PUDP: variants seen among roughly 807,000 people sequenced by gnomAD.
PUDP encodes the protein pseudouridine 5'-phosphatase, also known as pseudouridine-5'-phosphatase.
In PUDP, 8 loss-of-function variants were observed where a neutral mutation model predicts 9.4. The observed-to-expected ratio is 0.85, with a 90% CI of 0.50 to 1.53. PUDP has a LOEUF of 1.53. Among genes scored for constraint, PUDP ranks in the 40% most tolerant of loss-of-function variants. The probability of loss-of-function intolerance (pLI) is 0.00; values close to 1 mark genes in which losing one functional copy is unlikely to be tolerated. For synonymous variants in PUDP, 99 were observed against 80.7 expected, an observed-to-expected ratio of 1.23 and a Z score of -1.22; for missense variants, 188 against 189.7, an observed-to-expected ratio of 0.99 and a Z score of 0.05.
chrX:6,959,593 C>T (rs975403112), intron 3 of PUDP, among the ~76,000 whole-genome samples: 2 of 112,597 alleles, frequency 1.8e-5, no homozygotes, highest in Admixed American at 9.3e-5. Flanking sequence ...CTGCTGCAGA[C>T]AGTCTCCACC....
chrX:7,113,598 A>T (rs552845696), intron 1 of PUDP, among the ~76,000 whole-genome samples: 1 of 112,766 alleles, frequency 8.9e-6, no homozygotes, highest in Non-Finnish European at 1.9e-5. Flanking sequence ...CTTTAATTAA[A>T]AAACCCAACA....
At chrX:6,831,574 T>C (rs764349671) in intron 3 of PUDP, among the ~76,000 whole-genome samples, 3 of 112,112 alleles carry the variant, frequency 2.7e-5, no homozygotes, top group Admixed American at 9.5e-5. Flanking sequence ...AGTTTCAGTA[T>C]TCTATTTGGA....
intron 3 of PUDP, among the ~76,000 whole-genome samples, chrX:6,810,318 C>A (rs1926122264): frequency 9.0e-6 from 1 of 111,545 alleles, no homozygotes; most frequent in African/African-American, 3.3e-5. Context: ...AGCACGAGAT[C>A]TCCGCACATG....
intron 3 of PUDP, among the ~76,000 whole-genome samples, chrX:6,797,106 GGCT>G (rs1332344693): frequency 8.9e-6 from 1 of 112,115 alleles, no homozygotes; most frequent in Non-Finnish European, 1.9e-5. Flanking sequence ...TAAATTAAGA[GGCT>G]GCTGTTAGGG....
intron 3 of PUDP, among the ~76,000 whole-genome samples, chrX:6,960,699 C>T (rs1326180481): frequency 8.9e-6 from 1 of 112,154 alleles, no homozygotes; most frequent in African/African-American, 3.2e-5. Context: ...GAATTGATTA[C>T]ACAGGTGTTG....
intron 3 of PUDP, among the ~76,000 whole-genome samples, chrX:6,753,883 T>C (rs997614305): frequency 1.8e-5 from 2 of 112,122 alleles, no homozygotes; most frequent in African/African-American, 6.5e-5. Context: ...TAATCCTTTG[T>C]CAGATGTATA....
chrX:6,956,315 C>A (rs771246118), intron 3 of PUDP, among the ~76,000 whole-genome samples: 2 of 111,181 alleles, frequency 1.8e-5, no homozygotes, highest in South Asian at 7.6e-4. Context: ...TGAGCCACCA[C>A]GCCCGGCCAC....
intron 2 of PUDP, among the ~76,000 whole-genome samples, chrX:7,103,878 C>CA (rs1220930508): frequency 1.8e-5 from 2 of 111,776 alleles, no homozygotes; most frequent in Non-Finnish European, 3.8e-5. Flanking sequence ...TGACTACTAT[C>CA]AAAAAAATCC....
intron 3 of PUDP, among the ~76,000 whole-genome samples, chrX:6,765,121 T>A (rs1925269079): frequency 2.8e-5 from 3 of 105,675 alleles, no homozygotes; most frequent in African/African-American, 1.0e-4. Flanking sequence ...AAAAAAAAAA[T>A]TTACAAAAAT....
intron 1 of PUDP, among the ~76,000 whole-genome samples, chrX:7,003,351 C>G (rs1433261898): frequency 9.0e-6 from 1 of 111,042 alleles, no homozygotes; most frequent in African/African-American, 3.3e-5. Flanking sequence ...AGGCGGCACA[C>G]CGGGGCTGTA....
chrX:6,979,981 CA>C (rs976266369), intron 1 of PUDP, among the ~76,000 whole-genome samples: 6 of 110,875 alleles, frequency 5.4e-5, no homozygotes, highest in Admixed American at 1.9e-4. Flanking sequence ...GTTACATGTG[CA>C]GGTTTGTTAC....
chrX:7,059,112 G>C (rs1930326783), intron 3 of PUDP, among the ~76,000 whole-genome samples: 1 of 111,984 alleles, frequency 8.9e-6, no homozygotes, highest in South Asian at 3.8e-4. Flanking sequence ...CTCCTATAGA[G>C]AACAGCCTTT....
At chrX:6,750,964 C>G (rs959260031) in intron 3 of PUDP, among the ~76,000 whole-genome samples, 4 of 110,043 alleles carry the variant, frequency 3.6e-5, no homozygotes, top group African/African-American at 1.3e-4. Context: ...ACGGTAAAAC[C>G]CCGTCTCTAG....
intron 1 of PUDP, among the ~76,000 whole-genome samples, chrX:7,003,129 G>T (rs1307372417): frequency 2.7e-5 from 3 of 112,218 alleles, no homozygotes; most frequent in African/African-American, 9.7e-5. Context: ...AAAGTGGCTG[G>T]AGGATAGTTT....
chrX:7,144,027 A>G (rs1322396721), intron 1 of PUDP, among the ~76,000 whole-genome samples: 5 of 112,277 alleles, frequency 4.5e-5, no homozygotes, highest in African/African-American at 1.6e-4. Context: ...AAGACCCATT[A>G]CAAATGATGG....
At chrX:6,871,173 C>T (rs1927169844) in intron 3 of PUDP, among the ~76,000 whole-genome samples, 2 of 111,692 alleles carry the variant, frequency 1.8e-5, no homozygotes, top group African/African-American at 6.5e-5. Context: ...ATCTGTAGCA[C>T]TATTTCTGCT....
chrX:6,853,453 G>T (rs868557063), intron 3 of PUDP, among the ~76,000 whole-genome samples: 1 of 99,785 alleles, frequency 1.0e-5, no homozygotes, highest in African/African-American at 3.6e-5. Context: ...TTTTGTGTGT[G>T]TTTTTTTTTT....
chrX:6,847,117 G>T (rs1926760734), intron 3 of PUDP, among the ~76,000 whole-genome samples: 1 of 111,640 alleles, frequency 9.0e-6, no homozygotes, highest in Admixed American at 9.5e-5. Context: ...TGATTTTAAA[G>T]GCATTATTTA....
At chrX:7,106,992 G>A (rs1032379699) in intron 1 of PUDP, among the ~76,000 whole-genome samples, 1 of 111,999 alleles carries the variant, frequency 8.9e-6, no homozygotes, top group African/African-American at 3.3e-5. Context: ...CCTGGGCAGA[G>A]TCCTTGTCTT....
Sources: allele counts gnomAD v4.1 joint callset (sites outside exome capture counted in the v4.1 genomes callset), GRCh38; gene constraint gnomAD v4.1.1; transcripts MANE v1.5; gene names NCBI Gene and HGNC (gene_info 2026-07-23, HGNC 2026-07-21).